The following MYO18A variants were observed in gnomAD, a reference collection of about 807,000 sequenced individuals.
MYO18A encodes unconventional myosin-XVIIIa.
Under a neutral mutation model 235.8 loss-of-function variants are expected in MYO18A, and 78 were observed. The ratio of observed to expected loss-of-function variants is 0.33; its 90% CI spans 0.28 to 0.40. The LOEUF is 0.40. Ranked by LOEUF, MYO18A falls within the 10% of genes least tolerant of loss-of-function variation. MYO18A has a pLI of 1.00. For synonymous variants in MYO18A, 977 were observed against 1,077.8 expected, an observed-to-expected ratio of 0.91 and a Z score of 1.83; for missense variants, 2,215 against 2,699.3, an observed-to-expected ratio of 0.82 and a Z score of 3.98.
intron 30 of MYO18A, chr17:29,094,304 G>A (rs1204199870): frequency 3.0e-5 from 18 of 601,204 alleles, no homozygotes; most frequent in Non-Finnish European, 4.7e-5. Context: ...AGCTGGGGTG[G>A]GGACAGTCCT....
intron 21 of MYO18A, 60 bp from the exon 22 acceptor site, chr17:29,099,822 A>G (rs1437288254): frequency 1.3e-6 from 2 of 1,578,488 alleles, no homozygotes; most frequent in African/African-American, 2.7e-5. Context: ...GAGGAAAGGC[A>G]GAGAAGGTGA....
At chr17:29,170,861 A>C (rs1280250112) in intron 1 of MYO18A, among the ~76,000 whole-genome samples, 2 of 152,234 alleles carry the variant, frequency 1.3e-5, no homozygotes, top group Non-Finnish European at 1.5e-5. Flanking sequence ...GCTCATATTC[A>C]TGCAATGGAA....
intron 37 of MYO18A, among the ~76,000 whole-genome samples, chr17:29,088,145 C>T (rs1012978335): frequency 6.6e-6 from 1 of 151,460 alleles, no homozygotes; most frequent in Non-Finnish European, 1.5e-5. Context: ...GCTCCGCCCC[C>T]CGGGGTTCAC....
At chr17:29,122,344 T>G (rs1403265935) in intron 2 of MYO18A, 91 bp from the exon 3 acceptor site, 2 of 1,179,192 alleles carry the variant, frequency 1.7e-6, no homozygotes, top group Non-Finnish European at 2.5e-6. Flanking sequence ...GGCATGGGCT[T>G]TGAGACAAGC....
At chr17:29,077,087 C>T (rs1011173499) in intron 41 of MYO18A, 6 of 152,420 alleles carry the variant, frequency 3.9e-5, no homozygotes, top group Admixed American at 3.9e-4. Context: ...CATCAAGACG[C>T]TGGGCAGTGG....
intron 1 of MYO18A, among the ~76,000 whole-genome samples, chr17:29,168,762 T>C (rs2068335476): frequency 6.6e-6 from 1 of 152,194 alleles, no homozygotes; most frequent in Non-Finnish European, 1.5e-5. Flanking sequence ...GCTCCTGACA[T>C]ACCAACTCAT....
chr17:29,127,830 G>A lies in MYO18A; in HGVS notation c.1000-5577C>T, dbSNP rs957615413. ...AGCTAGGGTGGTGAGGGGCAGGAGC[G>A]GTTAGTGACACACTCTTGTACCTCC... is the stretch of plus-strand genomic sequence containing the variant. On this transcript the variant is annotated intron_variant, in intron 2 of 41. Transcript: ENST00000527372. 10 of 984,092 alleles carry A rather than the reference G, an allele frequency of 1.0e-5. No homozygotes were observed. In the African/African-American group the frequency reaches 1.0e-4, roughly 10 times the overall value. The allele number at this position is 984,092 out of a possible 1,614,324, so 61.0% of individuals were successfully genotyped here. A position where few individuals can be genotyped will look rare whatever the true frequency, so the allele number is the denominator to read the frequency against.
At position 29,103,561 on chromosome 17, in the gene MYO18A, G is replaced by A. The variant is rs1258206394; in HGVS notation, c.3507+38C>T. ...GGCCAGCCACCTGACAGGGGCCCCTGGAGTGAGGCCCGACTGCCCTCCTGT... is the reference window on the plus strand; with the variant it reads ...GGCCAGCCACCTGACAGGGGCCCCTAGAGTGAGGCCCGACTGCCCTCCTGT... On this transcript the variant is annotated intron_variant, in intron 21 of 41. Coordinates refer to ENST00000527372, the MANE Select transcript of MYO18A (RefSeq NM_078471.4). The A allele has an allele frequency of 5.6e-6, 9 of 1,603,778 alleles. No individual in the cohort carries two copies. The East Asian group carries it at 1.8e-4, about 32-fold the overall frequency.
chr17:29,097,013 A>G, intron 27 of MYO18A, 98 bp from the exon 28 acceptor site: 2 of 1,422,420 alleles, frequency 1.4e-6, no homozygotes, highest in Non-Finnish European at 1.9e-6. Context: ...AGACCCAGGG[A>G]TGCAGGAGGA....
rs1369954291 is a variant in MYO18A, at chr17:29,117,276, T to C, written c.2038+769A>G. The stretch of plus-strand genomic sequence containing the variant: ...GCCAGGCCAAGTCCCCGAGCGCAAG[T>C]GCCAAAGCTGCAGCCCATTCGTTAC... On this transcript the variant is annotated intron_variant, in intron 10 of 41. Transcript: ENST00000527372. The surrounding 1 kb of genome is among the most constrained non-coding windows in gnomAD (Gnocchi z 4.6). 6.6e-6 allele frequency among the ~76,000 whole-genome samples: 1 copy of C among 152,138 alleles called. No homozygotes were observed. The highest frequency in any genetic ancestry group is 2.4e-5 in the African/African-American group (1 of 41,420).
rs1251783322 is a variant in MYO18A at position 29,098,236 on chromosome 17, G to C, written c.3871-12C>G. On this transcript the variant is annotated splice_polypyrimidine_tract_variant and intron_variant, in intron 24 of 41. Transcript: ENST00000527372. ...GTCAGCTCTGAGATCTGGGGTTGGG[G>C]GTAGGGAGTCACCACCAGTTGAAGT... 1 of 1,613,846 alleles carries C rather than the reference G, an allele frequency of 6.2e-7. No homozygotes were observed. The highest frequency in any genetic ancestry group is 1.3e-5 in the African/African-American group (1 of 75,044).
chr17:29,176,985 C>G (rs1323347944), intron 1 of MYO18A, among the ~76,000 whole-genome samples: 1 of 152,206 alleles, frequency 6.6e-6, no homozygotes, highest in African/African-American at 2.4e-5. Flanking sequence ...CGGGAGAGCT[C>G]CTGCGGCCTC....
chr17:29,128,344 C>T, intron 2 of MYO18A: 2 of 1,277,020 alleles, frequency 1.6e-6, no homozygotes, highest in Non-Finnish European at 2.0e-6. Context: ...TCACCACCTT[C>T]CTCACTGCAT....
rs4994920 is a variant in MYO18A at position 29,096,887 on chromosome 17, T to C, written c.4259A>G (p.Glu1420Gly). ...GAGCTGCTGCAGAGCCCGCTGACTC[T>C]CCTCACTATCTGCCTGCAGGTCCCC... The part of the protein sequence containing the change: ...RLGDLQADSE[E>G]SQRALQQLKK... The change falls in exon 28 of 42, where the codon GAG (glutamate) becomes GGG (glycine). Residue 1420 changes from glutamate to glycine, a missense_variant. Physicochemically the swap from Glu to Gly is moderately conservative, Grantham distance 98. Transcript: ENST00000527372. The C allele has an allele frequency of 6.3e-7, 1 of 1,577,638 alleles. No individual in the cohort carries two copies. Among genetic ancestry groups the C allele is most frequent in the Non-Finnish European group, 8.6e-7 (1 of 1,162,812 alleles).
At chr17:29,122,139 T>C (rs752173513) in intron 3 of MYO18A, 27 bp downstream of exon 3, 2 of 1,603,812 alleles carry the variant, frequency 1.2e-6, no homozygotes, top group Admixed American at 1.7e-5. Context: ...AGTCCTGACA[T>C]GTGCCCCCAG....
chr17:29,142,454 C>T (rs1467354725), intron 2 of MYO18A, among the ~76,000 whole-genome samples: 1 of 152,200 alleles, frequency 6.6e-6, no homozygotes, highest in Non-Finnish European at 1.5e-5. Context: ...CTGACTCTTA[C>T]CCAACCAGTA....
At chr17:29,148,584 G>T (rs754660783) in intron 2 of MYO18A, among the ~76,000 whole-genome samples, 7 of 30,384 alleles carry the variant, frequency 2.3e-4, no homozygotes, top group Non-Finnish European at 3.9e-4. Flanking sequence ...TTATTCTTTT[G>T]TGTGTGTGTG....
rs369810921 is a variant in MYO18A at position 29,098,917 on chromosome 17, C to T, written c.3689G>A (p.Gly1230Glu). 2.9e-5 allele frequency: 46 copies of T among 1,613,832 alleles called. No homozygotes were observed. The highest frequency in any genetic ancestry group is 3.8e-5 in the Non-Finnish European group (45 of 1,179,874). The change falls in exon 23 of 42, where the codon GGG (glycine) becomes GAG (glutamate). Residue 1230 changes from glycine to glutamate, a missense_variant. Gly to Glu is a moderately conservative substitution (Grantham distance 98). Coordinates refer to ENST00000527372, the MANE Select transcript of MYO18A (RefSeq NM_078471.4). ...CVQKNIKKNK[G>E]VKDWPWWKLF... ...CTTCCACCAGGGCCAGTCCTTCACCCCTTTGTTCTTCTTGATGTTCTTCTG... is the reference window on the plus strand; with the variant it reads ...CTTCCACCAGGGCCAGTCCTTCACCTCTTTGTTCTTCTTGATGTTCTTCTG...
At chr17:29,163,886 T>G (rs535007028) in intron 2 of MYO18A, among the ~76,000 whole-genome samples, 20 of 152,340 alleles carry the variant, frequency 1.3e-4, no homozygotes, top group African/African-American at 4.6e-4. Context: ...CATGTTAGTC[T>G]TTGCTTCTGT....
Sources: allele counts gnomAD v4.1 joint callset (sites outside exome capture counted in the v4.1 genomes callset), GRCh38; gene constraint gnomAD v4.1.1; non-coding constraint Gnocchi (gnomAD v3.1); transcripts MANE v1.5; gene names NCBI Gene and HGNC (gene_info 2026-07-23, HGNC 2026-07-21).